PALS2: variants seen among roughly 807,000 people sequenced by gnomAD.
PALS2 encodes protein associated with LIN7 2, MAGUK p55 family member.
A neutral mutation model predicts 61.6 loss-of-function variants in PALS2; 27 were observed. The observed-to-expected ratio is 0.44, with a 90% CI of 0.32 to 0.60. The LOEUF (loss-of-function observed/expected upper bound fraction) is 0.60, where lower values mean the gene tolerates loss of function less well. Ranked by LOEUF, PALS2 falls within the 20% of genes least tolerant of loss-of-function variation. PALS2 has a pLI of 0.05. For missense variants in PALS2, 554 were observed against 639.4 expected (o/e 0.87, Z 1.44); for synonymous variants, 236 against 218.6 (o/e 1.08, Z -0.70).
intron 11 of PALS2, among the ~76,000 whole-genome samples, chr7:24,684,987 C>G (rs930732939): frequency 2.6e-5 from 4 of 151,518 alleles, no homozygotes; most frequent in Non-Finnish European, 1.5e-5. Flanking sequence ...GGTGCATGTA[C>G]AGGATGTGCG....
chr7:24,648,842 T>A (rs1232605489), intron 3 of PALS2, among the ~76,000 whole-genome samples: 1 of 148,956 alleles, frequency 6.7e-6, no homozygotes, highest in East Asian at 2.0e-4. Context: ...GAAGTGGGGG[T>A]TGCAGTGAGC....
chr7:24,667,657 ATTTTTTTTTT>A (rs11284911), intron 8 of PALS2, among the ~76,000 whole-genome samples: 2 of 98,646 alleles, frequency 2.0e-5, no homozygotes, highest in Non-Finnish European at 3.9e-5. Context: ...GATTAGATAA[ATTTTTTTTTT>A]TTTTTTTTTT....
intron 11 of PALS2, among the ~76,000 whole-genome samples, chr7:24,684,292 G>C (rs936137056): frequency 2.0e-5 from 3 of 152,152 alleles, no homozygotes; most frequent in Non-Finnish European, 4.4e-5. Flanking sequence ...TAGAGATGGC[G>C]TTTCACCATG....
intron 2 of PALS2, among the ~76,000 whole-genome samples, chr7:24,626,778 G>A (rs1287471793): frequency 6.6e-6 from 1 of 151,446 alleles, no homozygotes; most frequent in East Asian, 1.9e-4. Context: ...AAAGACAAGG[G>A]CATTACATAA....
Position 24,623,721 on chromosome 7 carries a change from A to C in PALS2, c.54A>C (p.Glu18Asp). ...AGCTGCCCTCGTCTACTGGAGCAGA[A>C]GAAATAGACCTAATTTTCCTCAAGG... ...LTELPSSTGA[E>D]EIDLIFLKGI... The change falls in exon 2 of 12, where the codon GAA becomes GAC. Residue 18 changes from glutamate to aspartate, a missense_variant. By Grantham distance (45) the Glu-to-Asp change is conservative (BLOSUM62 2). Transcript: ENST00000222644. 1 of 1,610,312 alleles carries C rather than the reference A, an allele frequency of 6.2e-7. No homozygotes were observed. Among genetic ancestry groups the C allele is most frequent in the Non-Finnish European group, 8.5e-7 (1 of 1,178,326 alleles).
In PALS2 at chr7:24,693,415, A is replaced by T. The variant is rs915035991; in HGVS notation, c.*5801A>T. 6.6e-6 allele frequency: 1 copy of T among 152,176 alleles called. No homozygotes were observed. The highest frequency in any genetic ancestry group is 1.9e-4 in the East Asian group (1 of 5,204). 9.4% of individuals were successfully genotyped at this position (152,176 alleles called of 1,614,324 possible). A position where few individuals can be genotyped will look rare whatever the true frequency, so the allele number is the denominator to read the frequency against. On this transcript the variant is annotated 3_prime_UTR_variant, in exon 12 of 12. Transcript: ENST00000222644. The stretch of plus-strand genomic sequence containing the variant: ...TAATTAACTAAAACAGGAAAAAAGC[A>T]TACTCATCTGATGTAAAAACTCATC...
chr7:24,685,496 T>TC (rs996824482), intron 11 of PALS2, among the ~76,000 whole-genome samples: 9 of 151,864 alleles, frequency 5.9e-5, no homozygotes, highest in Non-Finnish European at 7.4e-5. Context: ...TGTCTCCTCC[T>TC]CCCCCCCATT....
At chr7:24,580,373 A>C (rs1782794566) in intron 1 of PALS2, among the ~76,000 whole-genome samples, 1 of 152,166 alleles carries the variant, frequency 6.6e-6, no homozygotes, top group Non-Finnish European at 1.5e-5. Flanking sequence ...AGTGTAAAAT[A>C]ATACATCCTG....
chr7:24,666,702 A>G (rs2128088112), intron 8 of PALS2, among the ~76,000 whole-genome samples: 1 of 152,290 alleles, frequency 6.6e-6, no homozygotes. Flanking sequence ...TACACTTTAT[A>G]TACAATTCCT....
chr7:24,642,195 T>C (rs775290251), intron 3 of PALS2, among the ~76,000 whole-genome samples: 27 of 152,318 alleles, frequency 1.8e-4, no homozygotes, highest in Non-Finnish European at 3.1e-4. Context: ...ATTTTTTTCT[T>C]CCTCATTCCC....
intron 1 of PALS2, among the ~76,000 whole-genome samples, chr7:24,609,515 G>C (rs7786767): frequency 0.041 from 6,293 of 152,196 alleles, 161 homozygotes; most frequent in Non-Finnish European, 0.058. Flanking sequence ...GGAACTTTTG[G>C]TTGTTATAAC....
intron 4 of PALS2, 126 bp downstream of exon 4, chr7:24,649,890 G>C (rs1370898311): frequency 4.4e-6 from 4 of 912,294 alleles, no homozygotes; most frequent in Non-Finnish European, 6.1e-6. Flanking sequence ...TGTTTGGCCT[G>C]TGTATAAAGA....
chr7:24,607,476 C>G (rs1783943827), intron 1 of PALS2, among the ~76,000 whole-genome samples: 1 of 151,616 alleles, frequency 6.6e-6, no homozygotes, highest in African/African-American at 2.4e-5. Flanking sequence ...CTCTCTCTCT[C>G]TCTCTGAACA....
intron 11 of PALS2, among the ~76,000 whole-genome samples, 164 bp downstream of exon 11, chr7:24,680,684 G>T (rs1019654318): frequency 1.3e-5 from 2 of 151,954 alleles, no homozygotes; most frequent in Non-Finnish European, 2.9e-5. Flanking sequence ...CAACCTCCCC[G>T]TCCCGGGTTC....
intron 9 of PALS2, among the ~76,000 whole-genome samples, chr7:24,678,272 A>G (rs954987001): frequency 2.6e-5 from 4 of 152,332 alleles, no homozygotes; most frequent in African/African-American, 9.6e-5. Flanking sequence ...AAAGTATTCA[A>G]AGCTGTAAAA....
chr7:24,652,529 C>G (rs1028163459), intron 5 of PALS2, among the ~76,000 whole-genome samples: 4 of 151,798 alleles, frequency 2.6e-5, no homozygotes, highest in Non-Finnish European at 5.9e-5. Context: ...GGCGTGTCCT[C>G]CCATAAAGAA....
intron 9 of PALS2, among the ~76,000 whole-genome samples, chr7:24,669,753 C>G (rs542067649): frequency 6.6e-6 from 1 of 152,162 alleles, no homozygotes; most frequent in Admixed American, 6.6e-5. Flanking sequence ...TCATTGCCCC[C>G]CTGTGCTACT....
intron 1 of PALS2, among the ~76,000 whole-genome samples, chr7:24,576,114 G>A (rs991684174): frequency 6.6e-6 from 1 of 152,074 alleles, no homozygotes; most frequent in South Asian, 2.1e-4. Context: ...AAACTTAGGC[G>A]GAGAAAAATT....
At chr7:24,670,269 T>C (rs1463846159) in intron 9 of PALS2, among the ~76,000 whole-genome samples, 1 of 152,148 alleles carries the variant, frequency 6.6e-6, no homozygotes, top group Non-Finnish European at 1.5e-5. Flanking sequence ...TGATTTTATA[T>C]ATATATGTGT....
Sources: gnomAD v4.1 joint callset for allele counts (sites outside exome capture counted in the v4.1 genomes callset) on GRCh38, gnomAD v4.1.1 for gene constraint, MANE v1.5 for transcripts, NCBI Gene and HGNC (gene_info 2026-07-23, HGNC 2026-07-21) for gene names.